PARD3B: variants seen among roughly 807,000 people sequenced by gnomAD.
PARD3B encodes the protein partitioning defective 3 homolog B.
In PARD3B, 103 loss-of-function variants were observed where a neutral mutation model predicts 130.2. The ratio of observed to expected loss-of-function variants is 0.79; its 90% CI spans 0.67 to 0.93. PARD3B has a LOEUF of 0.93. Among genes scored for constraint, PARD3B ranks in the 40% least tolerant of loss-of-function variants. PARD3B has a pLI of 0.00. For missense variants in PARD3B, 1,609 were observed against 1,499.2 expected (o/e 1.07, Z -1.21); for synonymous variants, 583 against 553.2 (o/e 1.05, Z -0.76).
At chr2:205,126,218 A>T (rs957974449) in intron 10 of PARD3B, among the ~76,000 whole-genome samples, 2 of 152,194 alleles carry the variant, frequency 1.3e-5, no homozygotes, top group African/African-American at 2.4e-5. Flanking sequence ...GAGGGCTGGG[A>T]TAGACATCTT....
rs1178651666 is a variant in PARD3B at position 205,469,558 on chromosome 2, T to C, written c.3044+28886T>C. Among the ~76,000 whole-genome samples the C allele has an allele frequency of 2.0e-5, 3 of 152,252 alleles. No individual in the cohort carries two copies. In the Middle Eastern group the frequency reaches 0.01, roughly 521 times the overall value. ...TCCAGTCTCTGCTTCAGAAGCTTCT[T>C]AAGGGGAACAAGGTTGTTTGTACTG... On this transcript the variant is annotated intron_variant, in intron 20 of 22. Coordinates refer to ENST00000406610, the MANE Select transcript of PARD3B (RefSeq NM_001302769.2).
intron 18 of PARD3B, among the ~76,000 whole-genome samples, chr2:205,332,741 C>T (rs2043183435): frequency 6.6e-6 from 1 of 152,054 alleles, no homozygotes; most frequent in Non-Finnish European, 1.5e-5. Context: ...AGAGAGCTCT[C>T]CCTTCCCTAC....
chr2:205,185,143 A>G (rs2036021705), intron 13 of PARD3B, among the ~76,000 whole-genome samples: 1 of 152,184 alleles, frequency 6.6e-6, no homozygotes. Flanking sequence ...CTGGAAAAGT[A>G]TACATTTTTA....
intron 15 of PARD3B, among the ~76,000 whole-genome samples, chr2:205,200,609 T>G (rs2036936198): frequency 6.6e-6 from 1 of 152,204 alleles, no homozygotes; most frequent in Non-Finnish European, 1.5e-5. Flanking sequence ...TATTGACACT[T>G]ACTGTATGCC....
intron 13 of PARD3B, among the ~76,000 whole-genome samples, chr2:205,177,920 TCA>T (rs1294017267): frequency 2.0e-5 from 3 of 152,208 alleles, no homozygotes; most frequent in South Asian, 4.1e-4. Flanking sequence ...CTCCCTGTCC[TCA>T]GTTTGTCTTC....
At chr2:205,427,504 T>C (rs1230038652) in intron 19 of PARD3B, among the ~76,000 whole-genome samples, 2 of 152,320 alleles carry the variant, frequency 1.3e-5, no homozygotes, top group Admixed American at 1.3e-4. Flanking sequence ...TGTTCTTCTG[T>C]CTATTACTAT....
intron 18 of PARD3B, among the ~76,000 whole-genome samples, chr2:205,358,378 C>T (rs1040402287): frequency 5.3e-5 from 8 of 152,310 alleles, no homozygotes; most frequent in East Asian, 3.9e-4. Context: ...ACTCATAAAG[C>T]GGCTAGATGC....
intron 11 of PARD3B, 151 bp from the exon 12 acceptor site, chr2:205,172,060 C>A (rs1172831144): frequency 2.8e-6 from 2 of 708,530 alleles, no homozygotes; most frequent in Admixed American, 3.1e-5. Context: ...GCTCCAGAGC[C>A]TTTTTCTGCC....
At chr2:204,599,153 AT>A (rs1179198726) in intron 1 of PARD3B, among the ~76,000 whole-genome samples, 8 of 151,936 alleles carry the variant, frequency 5.3e-5, no homozygotes, top group African/African-American at 1.9e-4. Context: ...GGTAATTAGT[AT>A]ATTCATCATC....
At chr2:204,990,267 T>G (rs1693541349) in intron 3 of PARD3B, among the ~76,000 whole-genome samples, 1 of 152,066 alleles carries the variant, frequency 6.6e-6, no homozygotes, top group Non-Finnish European at 1.5e-5. Flanking sequence ...AACATTTTTT[T>G]TTTTTTACTG....
intron 18 of PARD3B, among the ~76,000 whole-genome samples, chr2:205,389,551 C>T (rs2045778121): frequency 6.6e-6 from 1 of 151,936 alleles, no homozygotes; most frequent in Admixed American, 6.6e-5. Context: ...TTAGTAGAAA[C>T]AGGGTTTCAC....
At chr2:204,627,233 T>G (rs1014648959) in intron 1 of PARD3B, among the ~76,000 whole-genome samples, 1 of 152,164 alleles carries the variant, frequency 6.6e-6, no homozygotes, top group African/African-American at 2.4e-5. Context: ...TAGTCTTGGG[T>G]ACTATCTTTA....
intron 2 of PARD3B, among the ~76,000 whole-genome samples, chr2:204,770,913 G>A (rs2041343815): frequency 6.6e-6 from 1 of 152,056 alleles, no homozygotes; most frequent in Non-Finnish European, 1.5e-5. Context: ...GCAAACAGCA[G>A]CCTGAGCTCT....
chr2:204,985,410 A>G (rs531868130), intron 3 of PARD3B, among the ~76,000 whole-genome samples: 1 of 152,314 alleles, frequency 6.6e-6, no homozygotes, highest in Admixed American at 6.5e-5. Flanking sequence ...TCTGTGGAAG[A>G]TAAATATTTC....
chr2:205,437,963 T>C (rs1024512886), intron 19 of PARD3B, among the ~76,000 whole-genome samples: 2 of 151,784 alleles, frequency 1.3e-5, no homozygotes, highest in African/African-American at 4.8e-5. Context: ...GGGTCAAAGC[T>C]ACCAAAAAAA....
chr2:204,621,295 C>T (rs10932078), intron 1 of PARD3B, among the ~76,000 whole-genome samples: 90,678 of 151,642 alleles, frequency 0.6, 30,834 homozygotes, highest in Non-Finnish European at 0.75. Flanking sequence ...GATGTGTATT[C>T]TTTTTTTCCC....
chr2:205,326,625 A>G (rs2042948338), intron 18 of PARD3B, among the ~76,000 whole-genome samples: 2 of 152,190 alleles, frequency 1.3e-5, no homozygotes, highest in African/African-American at 4.8e-5. Context: ...TGGGGAAAAA[A>G]TTTACAATCT....
In PARD3B at chr2:205,011,450, A is replaced by T. The variant is rs143944592; in HGVS notation, c.395-36131A>T. Among the ~76,000 whole-genome samples, 227 of 152,298 alleles carry T rather than the reference A, an allele frequency of 1.5e-3. 1 individual carries two copies. The highest frequency in any genetic ancestry group is 5.0e-3 in the African/African-American group (209 of 41,560). On this transcript the variant is annotated intron_variant, in intron 3 of 22. Coordinates refer to ENST00000406610, the MANE Select transcript of PARD3B (RefSeq NM_001302769.2). This position sits in a 1 kb window ranked among gnomAD's most constrained non-coding sequence, Gnocchi z 4.1. The stretch of plus-strand genomic sequence containing the variant: ...GAACAAGTGACTCGAGAGAGAAATT[A>T]AGAGGGGCATGCTCTAAAGACAGAA...
At chr2:205,164,613 TACA>T (rs1446572115) in intron 11 of PARD3B, among the ~76,000 whole-genome samples, 1 of 152,222 alleles carries the variant, frequency 6.6e-6, no homozygotes, top group Non-Finnish European at 1.5e-5. Flanking sequence ...TTTGGAATGC[TACA>T]ACATTTTGAT....
Sources: gnomAD v4.1 joint callset for allele counts (sites outside exome capture counted in the v4.1 genomes callset) on GRCh38, gnomAD v4.1.1 for gene constraint, Gnocchi (gnomAD v3.1) non-coding constraint, MANE v1.5 for transcripts, NCBI Gene and HGNC (gene_info 2026-07-23, HGNC 2026-07-21) for gene names.